CSMD1: variants seen among roughly 807,000 people sequenced by gnomAD.
CSMD1 encodes CUB and sushi domain-containing protein 1.
Under a neutral mutation model 417.5 loss-of-function variants are expected in CSMD1, and 213 were observed. That is an observed-to-expected ratio of 0.51 (90% confidence interval 0.46 to 0.57). CSMD1 has a LOEUF of 0.57. CSMD1 is among the 20% of genes least tolerant of loss of function. The pLI, the probability that CSMD1 is intolerant of heterozygous loss-of-function variation, is 0.00. For synonymous variants in CSMD1, 2,862 were observed against 1,736.8 expected, an observed-to-expected ratio of 1.65 and a Z score of -16.11; for missense variants, 6,923 against 4,529.7, an observed-to-expected ratio of 1.53 and a Z score of -15.17.
intron 11 of CSMD1, among the ~76,000 whole-genome samples, chr8:3,478,064 G>A (rs916899147): frequency 6.6e-6 from 1 of 152,154 alleles, no homozygotes; most frequent in Non-Finnish European, 1.5e-5. Flanking sequence ...GCATCAACAT[G>A]AAATTAGAAC....
intron 8 of CSMD1, among the ~76,000 whole-genome samples, chr8:3,610,220 A>ATTGTATATGTAT (rs1221595513): frequency 3.3e-5 from 5 of 152,166 alleles, no homozygotes; most frequent in Non-Finnish European, 7.3e-5. Flanking sequence ...TATCCCATGG[A>ATTGTATATGTAT]ACATAAATAG....
intron 1 of CSMD1, among the ~76,000 whole-genome samples, chr8:4,950,797 T>A (rs540520011): frequency 5.4e-4 from 82 of 152,178 alleles, no homozygotes; most frequent in African/African-American, 1.9e-3. Context: ...ACCGTAAGCA[T>A]CACCACTCAA....
intron 33 of CSMD1, among the ~76,000 whole-genome samples, chr8:3,198,729 C>T (rs1468891489): frequency 6.6e-6 from 1 of 152,092 alleles, no homozygotes; most frequent in African/African-American, 2.4e-5. Context: ...ACGATTGATA[C>T]ATAATATAAC....
At chr8:4,209,973 G>A (rs1284072615) in intron 3 of CSMD1, among the ~76,000 whole-genome samples, 1 of 152,162 alleles carries the variant, frequency 6.6e-6, no homozygotes, top group Non-Finnish European at 1.5e-5. Context: ...CACACTGGAG[G>A]AGGTGTCTTA....
chr8:3,663,452 G>A (rs1043591972), intron 7 of CSMD1, among the ~76,000 whole-genome samples: 19 of 152,084 alleles, frequency 1.2e-4, no homozygotes, highest in Admixed American at 1.3e-4. Flanking sequence ...TTCAGACATC[G>A]ATTTGATAGC....
chr8:3,282,453 A>T (rs1240791101), intron 26 of CSMD1, among the ~76,000 whole-genome samples: 1 of 152,238 alleles, frequency 6.6e-6, no homozygotes. Context: ...TAACTTTCTC[A>T]ACTTTTTTGT....
intron 1 of CSMD1, among the ~76,000 whole-genome samples, chr8:4,719,292 A>C (rs947816058): frequency 6.6e-6 from 1 of 152,226 alleles, no homozygotes; most frequent in African/African-American, 2.4e-5. Flanking sequence ...GTAGATAAAT[A>C]AATGAAGCCT....
chr8:3,135,899 G>A (rs1057495247), intron 41 of CSMD1, among the ~76,000 whole-genome samples: 3 of 152,148 alleles, frequency 2.0e-5, no homozygotes, highest in African/African-American at 7.2e-5. Context: ...TATCATCCAT[G>A]TGTATTAGGG....
intron 3 of CSMD1, among the ~76,000 whole-genome samples, chr8:4,187,398 G>A (rs188475931): frequency 3.9e-5 from 6 of 152,234 alleles, no homozygotes; most frequent in African/African-American, 1.4e-4. Flanking sequence ...TATAATCCCA[G>A]CACTTTGGGA....
At chr8:4,798,791 T>C (rs567734683) in intron 1 of CSMD1, among the ~76,000 whole-genome samples, 1 of 152,300 alleles carries the variant, frequency 6.6e-6, no homozygotes, top group African/African-American at 2.4e-5. Flanking sequence ...ACTTCAAAAG[T>C]AGAAACTGGG....
At chr8:4,139,537 C>T (rs1338597752) in intron 3 of CSMD1, among the ~76,000 whole-genome samples, 2 of 151,034 alleles carry the variant, frequency 1.3e-5, no homozygotes, top group Non-Finnish European at 2.9e-5. Context: ...GAGTGGCACT[C>T]ATCCTGCACG....
intron 1 of CSMD1, among the ~76,000 whole-genome samples, chr8:4,884,600 G>A (rs1803610956): frequency 6.6e-6 from 1 of 151,990 alleles, no homozygotes; most frequent in Admixed American, 6.5e-5. Flanking sequence ...TGAATATCTA[G>A]TTGTTCTAGC....
intron 2 of CSMD1, among the ~76,000 whole-genome samples, chr8:4,499,565 G>A (rs763886880): frequency 7.9e-5 from 12 of 152,080 alleles, no homozygotes; most frequent in Non-Finnish European, 1.6e-4. Context: ...CATATAAGAG[G>A]GCAATAATAA....
chr8:4,576,927 T>G (rs1215033632), intron 2 of CSMD1, among the ~76,000 whole-genome samples: 1 of 152,216 alleles, frequency 6.6e-6, no homozygotes, highest in Non-Finnish European at 1.5e-5. Flanking sequence ...TTATTTAGAT[T>G]TACTTATGTA....
At chr8:4,891,061 T>C (rs1050292726) in intron 1 of CSMD1, among the ~76,000 whole-genome samples, 3 of 152,106 alleles carry the variant, frequency 2.0e-5, no homozygotes, top group Non-Finnish European at 4.4e-5. Context: ...CCCAAATTAA[T>C]AGTTAATAGA....
chr8:3,897,657 G>A (rs2627429), intron 5 of CSMD1, among the ~76,000 whole-genome samples: 60,532 of 151,622 alleles, frequency 0.4, 16,733 homozygotes, highest in African/African-American at 0.79. Context: ...CACCATAATC[G>A]TTAATAATAG....
At chr8:3,851,552 C>T (rs1803906021) in intron 5 of CSMD1, among the ~76,000 whole-genome samples, 1 of 152,152 alleles carries the variant, frequency 6.6e-6, no homozygotes, top group African/African-American at 2.4e-5. Context: ...GCCTCTGCAC[C>T]TTGAGCAGCA....
At chr8:3,871,678 T>G in intron 5 of CSMD1, among the ~76,000 whole-genome samples, 1 of 152,178 alleles carries the variant, frequency 6.6e-6, no homozygotes, top group Non-Finnish European at 1.5e-5. Context: ...CATACAGAGG[T>G]CAATCATTTT....
At position 3,048,676 on chromosome 8, in the gene CSMD1, A is replaced by C. The variant is rs7011518; in HGVS notation, c.7660+3786T>G. Among the ~76,000 whole-genome samples, 1,212 of 152,272 alleles carry C rather than the reference A, an allele frequency of 8.0e-3. 17 individuals are homozygous for C. Among genetic ancestry groups the C allele is most frequent in the African/African-American group, 0.028 (1,148 of 41,554 alleles). On this transcript the variant is annotated intron_variant, in intron 50 of 69. Coordinates refer to ENST00000635120, the MANE Select transcript of CSMD1 (RefSeq NM_033225.6). ...AATTGTGGTGCCCTTGGGTTTGGTA[A>C]TGACTTTGTAGATACAAAAACAGAG...
Sources: allele counts gnomAD v4.1 joint callset (sites outside exome capture counted in the v4.1 genomes callset), GRCh38; gene constraint gnomAD v4.1.1; transcripts MANE v1.5; gene names NCBI Gene and HGNC (gene_info 2026-07-23, HGNC 2026-07-21).